Variants in ERCC1 observed in about 807,000 individuals in gnomAD.
ERCC1 encodes the protein DNA excision repair protein ERCC-1.
A neutral mutation model predicts 37.6 loss-of-function variants in ERCC1; 36 were observed. The observed-to-expected ratio is 0.96, with a 90% CI of 0.73 to 1.26. The LOEUF (loss-of-function observed/expected upper bound fraction) is 1.26. Among genes scored for constraint, ERCC1 ranks in the 50% most tolerant of loss-of-function variants. The pLI, the probability that ERCC1 is intolerant of heterozygous loss-of-function variation, is 0.00. For synonymous variants in ERCC1, 156 were observed against 162.1 expected (o/e 0.96, Z 0.28); for missense variants, 349 against 376.5 (o/e 0.93, Z 0.60).
chr19:45,447,581 T>C (rs1966988135), intron 1 of ERCC1, among the ~76,000 whole-genome samples: 1 of 151,940 alleles, frequency 6.6e-6, no homozygotes, highest in East Asian at 1.9e-4. Context: ...GGCGTCTATC[T>C]CTTTATGTCT....
chr19:45,424,233 C>G (rs1254883029), upstream of ERCC1: 1 of 189,390 alleles, frequency 5.3e-6, no homozygotes, highest in Non-Finnish European at 1.0e-5. Context: ...TTATTCCACA[C>G]CTATTCCCCC....
Position 45,416,879 on chromosome 19 carries a change from G to T in ERCC1, c.544C>A (p.Leu182Ile), listed in dbSNP as rs757064082. Residue 182 changes from leucine to isoleucine, a missense_variant, in exon 6 of 10, where the codon CTC becomes ATC. Coordinates refer to ENST00000300853, the MANE Select transcript of ERCC1 (RefSeq NM_001983.4). ...ATACACATCTTAGCCAGCTCCTTGA[G>T]GGCCTGCTGGGGATCTTTCTGGAGG... ...QVDVKDPQQA[L>I]KELAKMCILA... The T allele has an allele frequency of 5.6e-6, 9 of 1,613,186 alleles. No individual in the cohort carries two copies. The highest frequency in any genetic ancestry group is 6.8e-6 in the Non-Finnish European group (8 of 1,179,264).
rs201076682 is a variant in ERCC1 at position 45,449,499 on chromosome 19, C to CA, written c.-7-26119dup. Reference sequence around the variant, plus strand: ...ATAATGAGACCCCCGTCTCTAAAAACAAAAAATAATAAAAATTAAAAATTA... The same window carrying CA: ...ATAATGAGACCCCCGTCTCTAAAAACAAAAAAATAATAAAAATTAAAAATTA... On this transcript the variant is annotated intron_variant, in intron 1 of 8. Coordinates refer to the ERCC1 transcript ENST00000423698. 6.8e-3 allele frequency among the ~76,000 whole-genome samples: 1,025 copies of CA among 151,238 alleles called. 8 individuals carry two copies. The highest frequency in any genetic ancestry group is 0.035 in the Middle Eastern group (10 of 286).
intron 1 of ERCC1, chr19:45,450,741 G>T (rs2123630992): frequency 6.6e-6 from 1 of 151,174 alleles, no homozygotes; most frequent in African/African-American, 2.4e-5. Context: ...ACTCCAGCCT[G>T]GGCCACAGAG....
chr19:45,439,490 G>A (rs994828274), intron 1 of ERCC1, among the ~76,000 whole-genome samples: 1 of 152,190 alleles, frequency 6.6e-6, no homozygotes, highest in Admixed American at 6.5e-5. Flanking sequence ...TTGAGCCCAG[G>A]AGTTCTAGAC....
intron 7 of ERCC1, chr19:45,414,277 A>G: frequency 1.8e-6 from 1 of 563,998 alleles, no homozygotes; most frequent in Non-Finnish European, 3.2e-6. Context: ...GGAGTTCAAG[A>G]CCAGCCTGGC....
intron 9 of ERCC1, among the ~76,000 whole-genome samples, chr19:45,411,995 T>C (rs1355355747): frequency 1.3e-5 from 2 of 151,782 alleles, no homozygotes; most frequent in Admixed American, 6.6e-5. Context: ...TAGCTGGGAC[T>C]ACAGGTGCCC....
At position 45,409,149 on chromosome 19, in the gene ERCC1, A is replaced by G; in HGVS notation, c.*526T>C. The G allele has an allele frequency of 6.2e-7, 1 of 1,613,090 alleles. No homozygotes were observed. Among genetic ancestry groups the G allele is most frequent in the Non-Finnish European group, 8.5e-7 (1 of 1,179,362 alleles). ...AAGACGAAGAAAGAAAAACAGCAAG[A>G]TGCCACAGTGGAGCCAGAGACAGAG... On this transcript the variant is annotated 3_prime_UTR_variant, in exon 10 of 10. Transcript: ENST00000300853.
chr19:45,444,656 C>A (rs571433113), intron 1 of ERCC1, among the ~76,000 whole-genome samples: 1 of 152,218 alleles, frequency 6.6e-6, no homozygotes, highest in African/African-American at 2.4e-5. Flanking sequence ...GCGTGGAGGC[C>A]GAAGCAACAG....
rs1430274515 is a variant in ERCC1 at position 45,409,273 on chromosome 19, T to C, written c.*402A>G. 1 of 1,613,402 alleles carries C rather than the reference T, an allele frequency of 6.2e-7. No individual in the cohort carries two copies. The highest frequency in any genetic ancestry group is 2.2e-5 in the East Asian group (1 of 44,828). ...AGAAAGAGAGAGGTCACACAGTGAC[T>C]GAGCCAATTCAGCCACTAGAGCCTG... On this transcript the variant is annotated 3_prime_UTR_variant, in exon 10 of 10. Transcript: ENST00000300853.
chr19:45,437,839 TAA>T (rs1403880093), intron 1 of ERCC1, among the ~76,000 whole-genome samples: 5 of 152,244 alleles, frequency 3.3e-5, no homozygotes, highest in Non-Finnish European at 1.5e-5. Flanking sequence ...TCAAAGTTGC[TAA>T]AATAGAGTTT....
chr19:45,447,945 C>T (rs1966999475), intron 1 of ERCC1, among the ~76,000 whole-genome samples: 1 of 151,066 alleles, frequency 6.6e-6, no homozygotes, highest in Non-Finnish European at 1.5e-5. Context: ...AATCTCAGTT[C>T]ACTGCAACCT....
At chr19:45,411,071 G>A (rs1015708539) in intron 9 of ERCC1, among the ~76,000 whole-genome samples, 6 of 152,108 alleles carry the variant, frequency 3.9e-5, no homozygotes, top group Admixed American at 2.6e-4. Context: ...TGATCTGCCC[G>A]CCTCGGCCTC....
rs559025999 is a variant in ERCC1 at position 45,447,910 on chromosome 19, C to T, written c.-7-24529G>A. 5.3e-5 allele frequency among the ~76,000 whole-genome samples: 8 copies of T among 150,054 alleles called. No individual in the cohort carries two copies. In the South Asian group the frequency reaches 8.4e-4, roughly 16 times the overall value. ...TTTTTGAGATAGTATCTTGCTCTGT[C>T]ACCCAGGCTGGAGTGCAGTGGCACA... On this transcript the variant is annotated intron_variant, in intron 1 of 8. Transcript: ENST00000423698.
intron 1 of ERCC1, among the ~76,000 whole-genome samples, chr19:45,441,741 G>T (rs929171761): frequency 2.0e-5 from 3 of 151,376 alleles, no homozygotes; most frequent in Admixed American, 2.0e-4. Flanking sequence ...GCAGTGGCGG[G>T]ATCTCGGCTC....
In ERCC1 at chr19:45,421,332, G is replaced by A. The variant is rs1974408998; in HGVS notation, c.167C>T (p.Ala56Val). ...LPTVDTSAQA[A>V]PQTYAEYAIS... Reference sequence around the variant, plus strand: ...GGCATATTCGGCGTAGGTCTGAGGGGCCGCCTGGGCCGAGGTGTCCACAGT... The same window carrying A: ...GGCATATTCGGCGTAGGTCTGAGGGACCGCCTGGGCCGAGGTGTCCACAGT... The change falls in exon 3 of 10, where the codon GCC becomes GTC. Residue 56 changes from alanine (A) to valine (V), a missense_variant. Ala to Val is a moderately conservative substitution (Grantham distance 64). Coordinates refer to ENST00000300853, the MANE Select transcript of ERCC1 (RefSeq NM_001983.4). The A allele has an allele frequency of 2.5e-6, 4 of 1,614,056 alleles. No homozygotes were observed. Among genetic ancestry groups the A allele is most frequent in the Non-Finnish European group, 2.5e-6 (3 of 1,180,032 alleles).
chr19:45,409,469 A>C lies in ERCC1; in HGVS notation c.*206T>G, dbSNP rs778839547. On this transcript the variant is annotated 3_prime_UTR_variant, in exon 10 of 10. Transcript: ENST00000300853. ...GGAGGCTCCCACAGGCCGGGACAAG[A>C]AGCGGAAGCAGCAGCAGCAGCAGCC... 3 of 1,611,880 alleles carry C rather than the reference A, an allele frequency of 1.9e-6. No individual in the cohort carries two copies. The highest frequency in any genetic ancestry group is 1.1e-5 in the South Asian group (1 of 90,922).
intron 5 of ERCC1, among the ~76,000 whole-genome samples, chr19:45,418,411 TC>T (rs1974190986): frequency 6.6e-6 from 1 of 152,090 alleles, no homozygotes; most frequent in African/African-American, 2.4e-5. Context: ...TCCCAGTTGC[TC>T]GAGAGGCTGA....
intron 1 of ERCC1, among the ~76,000 whole-genome samples, chr19:45,430,598 T>A (rs1402148850): frequency 6.6e-6 from 1 of 152,078 alleles, no homozygotes; most frequent in Non-Finnish European, 1.5e-5. Flanking sequence ...CAGCACCCCT[T>A]TGGGGGTCTA....
Sources: allele counts gnomAD v4.1 joint callset (sites outside exome capture counted in the v4.1 genomes callset), GRCh38; gene constraint gnomAD v4.1.1; transcripts MANE v1.5; gene names NCBI Gene and HGNC (gene_info 2026-07-23, HGNC 2026-07-21).